DNAH9: variants seen among roughly 807,000 people sequenced by gnomAD.
DNAH9 encodes dynein axonemal heavy chain 9.
Under a neutral mutation model 471.6 loss-of-function variants are expected in DNAH9, and 345 were observed. The ratio of observed to expected loss-of-function variants is 0.73; its 90% confidence interval spans 0.67 to 0.80. The LOEUF (loss-of-function observed/expected upper bound fraction) is 0.80. DNAH9 is among the 30% of genes least tolerant of loss of function. The pLI, the probability that DNAH9 is intolerant of heterozygous loss-of-function variation, is 0.00. For missense variants in DNAH9, 5,407 were observed against 5,609.2 expected (o/e 0.96, Z 1.15); for synonymous variants, 2,093 against 2,123.6 (o/e 0.99, Z 0.40).
intron 19 of DNAH9, among the ~76,000 whole-genome samples, chr17:11,687,065 A>G (rs2074254448): frequency 1.3e-5 from 2 of 151,984 alleles, no homozygotes; most frequent in African/African-American, 2.4e-5. Flanking sequence ...AGCACCTTCC[A>G]TTTCTTTCCT....
At position 11,757,596 on chromosome 17, in the gene DNAH9, G is replaced by A. The variant is rs1244185944; in HGVS notation, c.6899G>A (p.Ser2300Asn). Residue 2300 changes from serine to asparagine, a missense_variant, in exon 35 of 69, where the codon AGC becomes AAC. Around this residue, in one of 3 missense-constraint regions of DNAH9, gnomAD observed 4,636 missense variants for 4,900.3 expected, o/e 0.95. Coordinates refer to ENST00000262442, the MANE Select transcript of DNAH9 (RefSeq NM_001372.4). ...TTGGGATGGAACCCTCCAGTGAGCA[G>A]CTGGATTGAGAAGAGGGAAATCCAG... ...ADLGWNPPVS[S>N]WIEKREIQTE... 13 of 1,613,418 alleles carry A rather than the reference G, an allele frequency of 8.1e-6. No homozygotes were observed. The highest frequency in any genetic ancestry group is 1.1e-5 in the Non-Finnish European group (13 of 1,179,430).
chr17:11,843,439 T>C (rs1971097850), intron 49 of DNAH9, among the ~76,000 whole-genome samples: 1 of 152,110 alleles, frequency 6.6e-6, no homozygotes, highest in East Asian at 1.9e-4. Flanking sequence ...TACATATCCT[T>C]ATTGAAGGAT....
intron 22 of DNAH9, among the ~76,000 whole-genome samples, chr17:11,697,703 T>G (rs1211520911): frequency 2.0e-5 from 3 of 152,150 alleles, no homozygotes; most frequent in Non-Finnish European, 4.4e-5. Context: ...TACATTACCT[T>G]CTCTTTCATC....
At chr17:11,708,014 CAGAGAGAGAGAGAGAGAGAG>C (rs34314090) in intron 26 of DNAH9, among the ~76,000 whole-genome samples, 8 of 52,150 alleles carry the variant, frequency 1.5e-4, no homozygotes, top group African/African-American at 5.1e-4. Context: ...CACACACACA[CAGAGAGAGAGAGAGAGAGAG>C]AGAGAGAGAG....
At chr17:11,696,783 CA>C (rs2074484924) in intron 22 of DNAH9, among the ~76,000 whole-genome samples, 1 of 152,106 alleles carries the variant, frequency 6.6e-6, no homozygotes, top group African/African-American at 2.4e-5. Flanking sequence ...ATTATTAATG[CA>C]TTAGCATTCT....
intron 5 of DNAH9, among the ~76,000 whole-genome samples, chr17:11,618,307 G>T (rs1356810828): frequency 6.6e-6 from 1 of 152,190 alleles, no homozygotes; most frequent in African/African-American, 2.4e-5. Flanking sequence ...GAACTAGAGG[G>T]CCGGGCGCGG....
At chr17:11,946,639 G>A in intron 67 of DNAH9, among the ~76,000 whole-genome samples, 1 of 146,150 alleles carries the variant, frequency 6.8e-6, no homozygotes, top group Admixed American at 7.0e-5. Flanking sequence ...ACTCCAGCCT[G>A]GGCCACAGAG....
At chr17:11,735,804 T>G (rs921312686) in intron 28 of DNAH9, among the ~76,000 whole-genome samples, 1 of 152,204 alleles carries the variant, frequency 6.6e-6, no homozygotes, top group Admixed American at 6.5e-5. Flanking sequence ...CATGATAGTT[T>G]TCAAAGTAAA....
In DNAH9 at chr17:11,859,286, C is replaced by A. The variant is rs9906573; in HGVS notation, c.9933+4858C>A. ...AATTAGCTGGGCATGCTGGTGGGCACCTGTAATCCCAGCTACTCCGGAGGC... is the reference window on the plus strand; with the variant it reads ...AATTAGCTGGGCATGCTGGTGGGCAACTGTAATCCCAGCTACTCCGGAGGC... On this transcript the variant is annotated intron_variant, in intron 50 of 68. Coordinates refer to ENST00000262442, the MANE Select transcript of DNAH9 (RefSeq NM_001372.4). 6.0e-3 allele frequency among the ~76,000 whole-genome samples: 908 copies of A among 151,618 alleles called. 9 individuals carry two copies. The highest frequency in any genetic ancestry group is 0.021 in the African/African-American group (860 of 41,266).
chr17:11,897,531 G>A (rs1185254655), intron 59 of DNAH9, among the ~76,000 whole-genome samples: 2 of 152,180 alleles, frequency 1.3e-5, no homozygotes, highest in African/African-American at 2.4e-5. Flanking sequence ...ATAATTTCTT[G>A]TAGTCTGATG....
chr17:11,784,656 A>G (rs1416948232), intron 41 of DNAH9, 117 bp downstream of exon 41: 7 of 1,427,946 alleles, frequency 4.9e-6, no homozygotes, highest in African/African-American at 1.4e-5. Context: ...GCCACTGTTC[A>G]TATGTAATCA....
At chr17:11,961,118 C>T (rs915497368) in intron 67 of DNAH9, among the ~76,000 whole-genome samples, 1 of 152,058 alleles carries the variant, frequency 6.6e-6, no homozygotes, top group African/African-American at 2.4e-5. Flanking sequence ...AGTTCAAGAC[C>T]AGCCAGACCA....
chr17:11,810,254 G>A lies in DNAH9; in HGVS notation c.8592G>A (p.Leu2864=). 2 of 1,612,772 alleles carry A rather than the reference G, an allele frequency of 1.2e-6. No individual in the cohort carries two copies. The highest frequency in any genetic ancestry group is 2.7e-5 in the African/African-American group (2 of 74,988). The stretch of plus-strand genomic sequence containing the variant: ...ATTGACCATTCCTACAGATGGACCT[G>A]GCCAGCCTGTGTCTGAAAGCTGGAG... ...GYQIQDFKMD[L]ASLCLKAGVK... The change falls in exon 45 of 69, where the codon CTG becomes CTA. Residue 2864 remains leucine (L), a synonymous_variant. Transcript: ENST00000262442.
intron 1 of DNAH9, among the ~76,000 whole-genome samples, chr17:11,601,532 CTAAA>C (rs1055093426): frequency 4.5e-4 from 68 of 152,278 alleles, no homozygotes; most frequent in African/African-American, 1.5e-3. Flanking sequence ...ATTTTAAAAC[CTAAA>C]TAAATAACTT....
chr17:11,822,646 G>T (rs1970348806), intron 47 of DNAH9, 47 bp downstream of exon 47: 1 of 1,607,790 alleles, frequency 6.2e-7, no homozygotes, highest in African/African-American at 1.3e-5. Flanking sequence ...CCAGATGAGG[G>T]TACAATGAAT....
At chr17:11,912,665 G>A (rs1026079999) in intron 61 of DNAH9, among the ~76,000 whole-genome samples, 1 of 152,164 alleles carries the variant, frequency 6.6e-6, no homozygotes, top group South Asian at 2.1e-4. Context: ...GTCAGTCCTG[G>A]TGTACTAGTG....
chr17:11,731,116 G>A (rs2075260739), intron 28 of DNAH9, among the ~76,000 whole-genome samples: 1 of 150,338 alleles, frequency 6.7e-6, no homozygotes, highest in Non-Finnish European at 1.5e-5. Context: ...CATGATGGTG[G>A]TGGCAGTGAT....
intron 62 of DNAH9, among the ~76,000 whole-genome samples, chr17:11,927,239 T>C (rs1201260954): frequency 1.3e-5 from 2 of 152,248 alleles, no homozygotes; most frequent in Non-Finnish European, 2.9e-5. Context: ...TTTATTTTCC[T>C]GGGAAGAAGC....
intron 26 of DNAH9, among the ~76,000 whole-genome samples, chr17:11,714,128 CG>C (rs1567743035): frequency 6.6e-6 from 1 of 152,132 alleles, no homozygotes; most frequent in African/African-American, 2.4e-5. Flanking sequence ...ATCAAAGGAA[CG>C]GATTTGTTTT....
Sources: allele counts gnomAD v4.1 joint callset (sites outside exome capture counted in the v4.1 genomes callset), GRCh38; gene constraint gnomAD v4.1.1; regional missense constraint gnomAD v4.1.1; transcripts MANE v1.5; gene names NCBI Gene and HGNC (gene_info 2026-07-23, HGNC 2026-07-21).